The following FIG4 variants were observed in gnomAD, a reference collection of about 807,000 sequenced individuals.
FIG4 encodes polyphosphoinositide phosphatase.
Under a neutral mutation model 118.6 loss-of-function variants are expected in FIG4, and 112 were observed. The ratio of observed to expected loss-of-function variants is 0.94; its 90% CI spans 0.81 to 1.11. The LOEUF is 1.11. Ranked by LOEUF, FIG4 falls within the 50% of genes least tolerant of loss-of-function variation. The probability of loss-of-function intolerance (pLI) is 0.00; values close to 1 mark genes in which losing one functional copy is unlikely to be tolerated. For synonymous variants in FIG4, 369 were observed against 381.2 expected (o/e 0.97, Z 0.37); for missense variants, 969 against 1,111.7 (o/e 0.87, Z 1.83).
At position 109,714,948 on chromosome 6, in the gene FIG4, A is replaced by G. The variant is rs75118433; in HGVS notation, c.67-130A>G. The G allele has an allele frequency of 7.7e-5, 46 of 599,930 alleles. 1 individual carries two copies. In the East Asian group the frequency reaches 1.2e-3, roughly 16 times the overall value. 37.2% of individuals were successfully genotyped at this position (599,930 alleles called of 1,614,324 possible). On this transcript the variant is annotated intron_variant, in intron 1 of 22. Coordinates refer to ENST00000230124, the MANE Select transcript of FIG4 (RefSeq NM_014845.6). ...CTTTTCTTTAATCTGCCAGTTATAC[A>G]TAACAGAAATATTTCTTTAAAAAGT...
rs138800441 is a variant in FIG4, at chr6:109,781,514, G to T, written c.1890-3456G>T. Among the ~76,000 whole-genome samples, 35 of 152,012 alleles carry T rather than the reference G, an allele frequency of 2.3e-4. 1 individual carries two copies. In the East Asian group the frequency reaches 6.2e-3, roughly 27 times the overall value. On this transcript the variant is annotated intron_variant, in intron 16 of 22. Coordinates refer to ENST00000230124, the MANE Select transcript of FIG4 (RefSeq NM_014845.6). ...GTGCTAGCTGTTCTGAGACCACTGG[G>T]ACCATCACTCCCCTTGTCCTGGATG...
intron 22 of FIG4, among the ~76,000 whole-genome samples, chr6:109,818,557 G>C (rs1162544912): frequency 6.6e-6 from 1 of 152,126 alleles, no homozygotes. Flanking sequence ...TATTAGGTAG[G>C]CTGTTAATCT....
Position 109,716,873 on chromosome 6 carries a change from G to T in FIG4, c.289+305G>T, listed in dbSNP as rs147679612. On this transcript the variant is annotated intron_variant, in intron 3 of 22. Coordinates refer to ENST00000230124, the MANE Select transcript of FIG4 (RefSeq NM_014845.6). ...AAAAAGTAAAAATTAGCTTGGACTG[G>T]ACTGTAAACATCCACCCTGCCATTC... is the stretch of plus-strand genomic sequence containing the variant. Among the ~76,000 whole-genome samples, 8 of 152,232 alleles carry T rather than the reference G, an allele frequency of 5.3e-5. No homozygotes were observed. In the East Asian group the frequency reaches 1.5e-3, roughly 29 times the overall value.
intron 11 of FIG4, among the ~76,000 whole-genome samples, chr6:109,761,546 C>T (rs532973832): frequency 3.3e-5 from 5 of 152,102 alleles, no homozygotes; most frequent in South Asian, 2.1e-4. Flanking sequence ...CCACCACGCC[C>T]GGCTAATTTT....
At chr6:109,808,455 A>T (rs1321636923) in intron 22 of FIG4, among the ~76,000 whole-genome samples, 1 of 152,018 alleles carries the variant, frequency 6.6e-6, no homozygotes, top group Admixed American at 6.6e-5. Context: ...ACTTGAATGC[A>T]TGTATTTTTA....
chr6:109,759,515 A>G (rs1353683058), intron 10 of FIG4, among the ~76,000 whole-genome samples: 2 of 152,232 alleles, frequency 1.3e-5, no homozygotes, highest in African/African-American at 4.8e-5. Context: ...TATAGATGAA[A>G]AAATGGAGGC....
intron 22 of FIG4, among the ~76,000 whole-genome samples, chr6:109,808,766 CA>C (rs1261571659): frequency 3.3e-5 from 5 of 151,976 alleles, no homozygotes; most frequent in Non-Finnish European, 7.4e-5. Context: ...TGTTTGTTAC[CA>C]ATGATAAAGT....
intron 10 of FIG4, among the ~76,000 whole-genome samples, chr6:109,754,380 A>G (rs1776812156): frequency 6.6e-6 from 1 of 152,194 alleles, no homozygotes; most frequent in South Asian, 2.1e-4. Context: ...GTGTTCATCA[A>G]GGATATTGGG....
At chr6:109,708,828 ATTTG>A (rs1168653015) in intron 1 of FIG4, among the ~76,000 whole-genome samples, 2 of 151,582 alleles carry the variant, frequency 1.3e-5, no homozygotes, top group Non-Finnish European at 2.9e-5. Flanking sequence ...TTTCGTGTAA[ATTTG>A]TTTAAGTCCC....
Position 109,691,492 on chromosome 6 carries a change from G to T in FIG4, c.57G>T (p.Glu19Asp). 1 of 1,580,748 alleles carries T rather than the reference G, an allele frequency of 6.3e-7. No individual in the cohort carries two copies. The highest frequency in any genetic ancestry group is 8.6e-7 in the Non-Finnish European group (1 of 1,162,858). The stretch of plus-strand genomic sequence containing the variant: ...CGGTCCAGAAGCTGGTTCTGTATGA[G>T]ACTAGAGCTGTGAGTACCCCCTCGC... Reference protein sequence around the residue: ...ISSVQKLVLYETRARYFLVGS... With the variant: ...ISSVQKLVLYDTRARYFLVGS... Residue 19 changes from glutamate (E) to aspartate (D), a missense_variant, in exon 1 of 23, where the codon GAG (glutamate) becomes GAT (aspartate). By Grantham distance (45) the Glu-to-Asp change is conservative. This residue lies in a region of FIG4 where 393 missense variants were observed against 409.4 expected (regional missense o/e 0.96). Coordinates refer to ENST00000230124, the MANE Select transcript of FIG4 (RefSeq NM_014845.6).
intron 1 of FIG4, among the ~76,000 whole-genome samples, chr6:109,696,700 A>C (rs548525934): frequency 6.6e-6 from 1 of 152,286 alleles, no homozygotes; most frequent in South Asian, 2.1e-4. Context: ...GAGCTTATAG[A>C]AGCAGAGAGT....
chr6:109,701,941 T>A (rs1774921798), intron 1 of FIG4, among the ~76,000 whole-genome samples: 1 of 152,148 alleles, frequency 6.6e-6, no homozygotes, highest in Non-Finnish European at 1.5e-5. Flanking sequence ...TTCCCCAGAG[T>A]AAAGCCCTGA....
At chr6:109,792,522 T>C in intron 20 of FIG4, 60 bp from the exon 21 acceptor site, 2 of 974,600 alleles carry the variant, frequency 2.1e-6, no homozygotes, top group African/African-American at 3.3e-5. Context: ...GGGGAAATTA[T>C]TGATATGCTA....
intron 22 of FIG4, among the ~76,000 whole-genome samples, chr6:109,798,786 C>A (rs1452853173): frequency 6.6e-6 from 1 of 151,998 alleles, no homozygotes; most frequent in Non-Finnish European, 1.5e-5. Flanking sequence ...CCTTCTTTCT[C>A]TCCCCAACAC....
intron 10 of FIG4, among the ~76,000 whole-genome samples, chr6:109,746,887 G>A (rs78727540): frequency 0.014 from 2,180 of 152,152 alleles, 54 homozygotes; most frequent in African/African-American, 0.05. Flanking sequence ...ATGTAGAGAA[G>A]TGGACAGTCA....
chr6:109,768,743 C>T (rs543592922), intron 15 of FIG4, among the ~76,000 whole-genome samples: 2 of 152,252 alleles, frequency 1.3e-5, no homozygotes, highest in Non-Finnish European at 2.9e-5. Context: ...GTCATCTTTG[C>T]CATATTTCTT....
rs776821372 is a variant in FIG4, at chr6:109,743,115, T to C, written c.882T>C (p.Asp294=). The change falls in exon 9 of 23, where the codon GAT becomes GAC. Residue 294 remains aspartate, a synonymous_variant. Coordinates refer to ENST00000230124, the MANE Select transcript of FIG4 (RefSeq NM_014845.6). ...FLKRGANCEG[D]VANEVETEQI... ...CAATGCACCTTTCTTTTCAGGGTGA[T>C]GTTGCAAATGAAGTGGAGACTGAAC... 8 of 1,612,186 alleles carry C rather than the reference T, an allele frequency of 5.0e-6. No individual in the cohort carries two copies. The highest frequency in any genetic ancestry group is 3.3e-5 in the Admixed American group (2 of 59,920).
rs1433298610 is a variant in FIG4, at chr6:109,777,035, A to G, written c.1864A>G (p.Met622Val). The change falls in exon 16 of 23, where the codon ATG becomes GTG. Residue 622 changes from methionine to valine, a missense_variant. Physicochemically the swap from Met to Val is conservative, Grantham distance 21 (BLOSUM62 1). Transcript: ENST00000230124. ...TTTTTATTTGCATCACAAAAATACC[A>G]TGAGACTTTTGCCAACAAGAAGAAG... ...TDFYLHHKNT[M>V]RLLPTRRSYT... 6 of 1,613,758 alleles carry G rather than the reference A, an allele frequency of 3.7e-6. No homozygotes were observed. Among genetic ancestry groups the G allele is most frequent in the Middle Eastern group, 1.6e-4 (1 of 6,074 alleles).
chr6:109,816,832 A>G (rs1210980074), intron 22 of FIG4, among the ~76,000 whole-genome samples: 1 of 152,266 alleles, frequency 6.6e-6, no homozygotes, highest in Non-Finnish European at 1.5e-5. Context: ...AACCAGAAAA[A>G]GATGAGACTA....
Sources: gnomAD v4.1 joint callset for allele counts (sites outside exome capture counted in the v4.1 genomes callset) on GRCh38, gnomAD v4.1.1 for gene constraint, gnomAD v4.1.1 regional missense constraint, MANE v1.5 for transcripts, NCBI Gene and HGNC (gene_info 2026-07-23, HGNC 2026-07-21) for gene names.